PLXNA4: variants seen among roughly 807,000 people sequenced by gnomAD.
The protein encoded by PLXNA4 is plexin A4.
PLXNA4 carries 44 observed loss-of-function variants against 191.8 expected under a neutral mutation model. The ratio of observed to expected loss-of-function variants is 0.23; its 90% CI spans 0.18 to 0.29. The LOEUF is 0.29. PLXNA4 is among the 10% of genes least tolerant of loss of function. The pLI, the probability that PLXNA4 is intolerant of heterozygous loss-of-function variation, is 1.00. For synonymous variants in PLXNA4, 1,082 were observed against 1,009.5 expected (o/e 1.07, Z -1.36); for missense variants, 1,800 against 2,488.8 (o/e 0.72, Z 5.89).
intron 1 of PLXNA4, among the ~76,000 whole-genome samples, chr7:132,548,330 A>G (rs1475949444): frequency 6.6e-6 from 1 of 152,194 alleles, no homozygotes; most frequent in Admixed American, 6.5e-5. Context: ...TAAGCAGATG[A>G]GGCTAGGGCA....
chr7:132,297,810 A>G (rs960444012), intron 4 of PLXNA4, among the ~76,000 whole-genome samples: 5 of 152,226 alleles, frequency 3.3e-5, no homozygotes, highest in African/African-American at 1.2e-4. Flanking sequence ...TTCCTTCAGA[A>G]GAAAGCAAAT....
At chr7:132,404,610 T>G (rs1450178467) in intron 3 of PLXNA4, among the ~76,000 whole-genome samples, 2 of 152,194 alleles carry the variant, frequency 1.3e-5, no homozygotes, top group Admixed American at 1.3e-4. Flanking sequence ...TGATTAAGAA[T>G]GGACTCCCAA....
intron 1 of PLXNA4, among the ~76,000 whole-genome samples, chr7:132,513,048 C>T (rs1001687832): frequency 6.6e-6 from 1 of 152,334 alleles, no homozygotes; most frequent in Admixed American, 6.5e-5. Flanking sequence ...CTCAAACATG[C>T]TACAGTTTTC....
chr7:132,295,528 G>A (rs1267401108), intron 4 of PLXNA4, among the ~76,000 whole-genome samples: 1 of 152,166 alleles, frequency 6.6e-6, no homozygotes, highest in Non-Finnish European at 1.5e-5. Flanking sequence ...GAAGGAGGCT[G>A]GAATTAGTCT....
chr7:132,191,772 ATCTCTCTC>A (rs145828587), intron 14 of PLXNA4, among the ~76,000 whole-genome samples: 1 of 142,662 alleles, frequency 7.0e-6, no homozygotes, highest in African/African-American at 2.7e-5. Context: ...TCCTCTCTCC[ATCTCTCTC>A]TCTCTCTCTC....
At chr7:132,132,796 T>C (rs1795007713) in intron 31 of PLXNA4, among the ~76,000 whole-genome samples, 1 of 152,026 alleles carries the variant, frequency 6.6e-6, no homozygotes, top group African/African-American at 2.4e-5. Flanking sequence ...AAAATAAGAA[T>C]TAAAAAAGAC....
At chr7:132,469,798 A>C (rs1356566543) in intron 3 of PLXNA4, among the ~76,000 whole-genome samples, 1 of 152,244 alleles carries the variant, frequency 6.6e-6, no homozygotes, top group Non-Finnish European at 1.5e-5. Flanking sequence ...GCTCAACAGT[A>C]ACTGTTAAGC....
chr7:132,554,612 C>G (rs762594742), intron 1 of PLXNA4, among the ~76,000 whole-genome samples: 1 of 152,156 alleles, frequency 6.6e-6, no homozygotes, highest in African/African-American at 2.4e-5. Context: ...CTGGAAGAAT[C>G]GAGCACGCTC....
intron 3 of PLXNA4, among the ~76,000 whole-genome samples, chr7:132,340,772 G>A (rs1487311200): frequency 1.3e-5 from 2 of 152,204 alleles, no homozygotes; most frequent in Non-Finnish European, 2.9e-5. Context: ...CTGCCTCCTA[G>A]GTTCAAGAGA....
At chr7:132,561,265 A>G (rs1801026878) in intron 1 of PLXNA4, among the ~76,000 whole-genome samples, 1 of 151,518 alleles carries the variant, frequency 6.6e-6, no homozygotes, top group Non-Finnish European at 1.5e-5. Flanking sequence ...CTAAAACTCA[A>G]CTGGATGCCC....
chr7:132,321,733 T>C (rs1310538136), intron 3 of PLXNA4, among the ~76,000 whole-genome samples: 1 of 152,044 alleles, frequency 6.6e-6, no homozygotes, highest in East Asian at 1.9e-4. Flanking sequence ...TAAAGATGTG[T>C]CTGTGGTTGA....
chr7:132,239,733 G>T (rs937864019), intron 5 of PLXNA4, among the ~76,000 whole-genome samples: 1 of 152,184 alleles, frequency 6.6e-6, no homozygotes, highest in African/African-American at 2.4e-5. Flanking sequence ...AGGCTCCCCT[G>T]CTCTGTTAGC....
At chr7:132,261,159 C>A (rs528654139) in intron 4 of PLXNA4, among the ~76,000 whole-genome samples, 4 of 152,166 alleles carry the variant, frequency 2.6e-5, no homozygotes, top group Non-Finnish European at 5.9e-5. Flanking sequence ...ATCTGACATG[C>A]CCAGGGGACA....
intron 14 of PLXNA4, among the ~76,000 whole-genome samples, chr7:132,191,397 C>T (rs1270349645): frequency 6.6e-6 from 1 of 152,124 alleles, no homozygotes; most frequent in Non-Finnish European, 1.5e-5. Context: ...AGGATGCACT[C>T]TTTATGGGAG....
At chr7:132,392,139 A>G (rs929325955) in intron 3 of PLXNA4, among the ~76,000 whole-genome samples, 3 of 152,146 alleles carry the variant, frequency 2.0e-5, no homozygotes, top group African/African-American at 7.2e-5. Context: ...AAAAAAAAAA[A>G]AGAAAAGATT....
intron 3 of PLXNA4, among the ~76,000 whole-genome samples, chr7:132,487,189 A>T (rs1164666003): frequency 6.6e-6 from 1 of 152,160 alleles, no homozygotes; most frequent in Non-Finnish European, 1.5e-5. Flanking sequence ...AGACAATCAC[A>T]CACACACACA....
Position 132,223,633 on chromosome 7 carries a change from G to A in PLXNA4, c.1991C>T (p.Ser664Phe). 6.2e-7 allele frequency: 1 copy of A among 1,613,114 alleles called. No homozygotes were observed. Among genetic ancestry groups the A allele is most frequent in the Non-Finnish European group, 8.5e-7 (1 of 1,179,600 alleles). Residue 664 changes from serine (S) to phenylalanine (F), a missense_variant, in exon 9 of 32, where the codon TCC becomes TTC. Ser to Phe is a radical substitution (Grantham distance 155). Coordinates refer to ENST00000321063, the MANE Select transcript of PLXNA4 (RefSeq NM_020911.2). ...YNCSVHNSCL[S>F]CVESPYRCHW... ...GCAGCGGTATGGACTCTCCACGCAGGACAGGCACCTGGGCACAGGGGAAGG... is the reference window on the plus strand; with the variant it reads ...GCAGCGGTATGGACTCTCCACGCAGAACAGGCACCTGGGCACAGGGGAAGG...
At chr7:132,515,711 CA>C (rs1430288217) in intron 1 of PLXNA4, among the ~76,000 whole-genome samples, 1 of 152,196 alleles carries the variant, frequency 6.6e-6, no homozygotes, top group South Asian at 2.1e-4. Context: ...GGAGCTGCAC[CA>C]GCAGAGCTCT....
In PLXNA4 at chr7:132,320,493, C is replaced by T. The variant is rs143980860; in HGVS notation, c.1372-22271G>A. Among the ~76,000 whole-genome samples the T allele has an allele frequency of 7.2e-5, 11 of 152,362 alleles. No homozygotes were observed. In the East Asian group the frequency reaches 1.9e-3, roughly 27 times the overall value. ...AAAGACCCTATTTACAAAAAGGTCACATGCACAAGTATCAGAAGTTGGGAC... is the reference window on the plus strand; with the variant it reads ...AAAGACCCTATTTACAAAAAGGTCATATGCACAAGTATCAGAAGTTGGGAC... On this transcript the variant is annotated intron_variant, in intron 3 of 31. Transcript: ENST00000321063.
Sources: gnomAD v4.1 joint callset for allele counts (sites outside exome capture counted in the v4.1 genomes callset) on GRCh38, gnomAD v4.1.1 for gene constraint, MANE v1.5 for transcripts, NCBI Gene and HGNC (gene_info 2026-07-23, HGNC 2026-07-21) for gene names.